The following MAML1 variants were observed in gnomAD, a reference collection of about 807,000 sequenced individuals.
The protein encoded by MAML1 is mastermind-like protein 1.
In MAML1, 14 loss-of-function variants were observed where a neutral mutation model predicts 77.1. That is an observed-to-expected ratio of 0.18 (90% CI 0.12 to 0.28). The LOEUF is 0.28. Ranked by LOEUF, MAML1 falls within the 10% of genes least tolerant of loss-of-function variation. MAML1 has a pLI of 1.00. For missense variants in MAML1, 1,217 were observed against 1,327.8 expected (o/e 0.92, Z 1.30); for synonymous variants, 516 against 551.9 (o/e 0.93, Z 0.91).
intron 1 of MAML1, among the ~76,000 whole-genome samples, chr5:179,749,538 G>A (rs1243829390): frequency 2.0e-5 from 3 of 152,160 alleles, no homozygotes; most frequent in Non-Finnish European, 2.9e-5. Context: ...TGGGATTACA[G>A]GCCTGAGCCA....
rs890186794 is a variant in MAML1 at position 179,754,875 on chromosome 5, C to T, written c.316-10451C>T. ...AGTTATTTTTGAGATGAAGAGGGGA[C>T]GAATTTGAAGGACAGAAAGTCTCAG... On this transcript the variant is annotated intron_variant, in intron 1 of 4. Transcript: ENST00000292599. Among the ~76,000 whole-genome samples, 8 of 151,942 alleles carry T rather than the reference C, an allele frequency of 5.3e-5. No individual in the cohort carries two copies. In the East Asian group the frequency reaches 7.7e-4, roughly 15 times the overall value.
At chr5:179,752,350 A>ATATATATAT (rs57005189) in intron 1 of MAML1, among the ~76,000 whole-genome samples, 5 of 66,716 alleles carry the variant, frequency 7.5e-5, no homozygotes, top group Non-Finnish European at 1.3e-4. Context: ...AAAAAAAAAA[A>ATATATATAT]ATATATATAT....
chr5:179,758,518 A>G (rs1779668273), intron 1 of MAML1, among the ~76,000 whole-genome samples: 1 of 151,278 alleles, frequency 6.6e-6, no homozygotes, highest in South Asian at 2.1e-4. Flanking sequence ...AACCTCCCAA[A>G]TAGCTGGGAC....
At chr5:179,761,525 A>G (rs1270662796) in intron 1 of MAML1, among the ~76,000 whole-genome samples, 1 of 152,136 alleles carries the variant, frequency 6.6e-6, no homozygotes, top group Non-Finnish European at 1.5e-5. Flanking sequence ...GCGAAACCCC[A>G]TCTCTACTAA....
chr5:179,773,846 A>G (rs2113385624), intron 4 of MAML1, 49 bp from the exon 5 acceptor site: 1 of 1,568,716 alleles, frequency 6.4e-7, no homozygotes, highest in Non-Finnish European at 8.7e-7. Context: ...TCTCAGAGGG[A>G]CCCAGTGGTG....
intron 1 of MAML1, among the ~76,000 whole-genome samples, chr5:179,739,349 C>T (rs769226224): frequency 1.2e-3 from 184 of 151,670 alleles, no homozygotes; most frequent in Non-Finnish European, 2.1e-3. Flanking sequence ...AAGACTCCAT[C>T]TCTCAAATAG....
chr5:179,762,131 G>C (rs192648729), intron 1 of MAML1, among the ~76,000 whole-genome samples: 2 of 152,282 alleles, frequency 1.3e-5, no homozygotes, highest in Admixed American at 1.3e-4. Context: ...GAAGCATGTA[G>C]GTATTGTCAT....
chr5:179,733,253 G>C lies in MAML1; in HGVS notation c.141G>C (p.Glu47Asp), dbSNP rs1436149848. 6.1e-6 allele frequency: 9 copies of C among 1,471,812 alleles called. No homozygotes were observed. Among genetic ancestry groups the C allele is most frequent in the Non-Finnish European group, 8.1e-6 (9 of 1,114,242 alleles). The allele number at this position is 1,471,812 out of a possible 1,614,324, so 91.2% of individuals were successfully genotyped here. ...CEARYEAVSPERLELERQHTF... is the reference protein window; with the variant it reads ...CEARYEAVSPDRLELERQHTF... Reference sequence around the variant, plus strand: ...CCCGCTACGAGGCCGTGTCGCCCGAGCGCCTGGAGCTGGAGCGCCAACACA... The same window carrying C: ...CCCGCTACGAGGCCGTGTCGCCCGACCGCCTGGAGCTGGAGCGCCAACACA... The change falls in exon 1 of 5, where the codon GAG becomes GAC. Residue 47 changes from glutamate (E) to aspartate (D), a missense_variant. Physicochemically the swap from Glu to Asp is conservative, Grantham distance 45. Coordinates refer to ENST00000292599, the MANE Select transcript of MAML1 (RefSeq NM_014757.5).
At chr5:179,773,776 C>T in intron 4 of MAML1, 119 bp from the exon 5 acceptor site, 3 of 1,501,498 alleles carry the variant, frequency 2.0e-6, no homozygotes, top group Admixed American at 2.2e-5. Flanking sequence ...TGCCCCATGG[C>T]CCCCGGGGCC....
Position 179,774,984 on chromosome 5 carries a change from G to A in MAML1, c.*107G>A. 2.0e-6 allele frequency: 3 copies of A among 1,493,598 alleles called. No homozygotes were observed. The allele number at this position is 1,493,598 out of a possible 1,614,324, so 92.5% of individuals were successfully genotyped here. ...CCAAAAGCCCATGGCCTGGGGAGCT[G>A]GGCAGGTAGAGCCCAAGCTCCAGGT... On this transcript the variant is annotated 3_prime_UTR_variant, in exon 5 of 5. Coordinates refer to ENST00000292599, the MANE Select transcript of MAML1 (RefSeq NM_014757.5).
chr5:179,756,042 G>A (rs1779608142), intron 1 of MAML1, among the ~76,000 whole-genome samples: 1 of 151,714 alleles, frequency 6.6e-6, no homozygotes, highest in African/African-American at 2.4e-5. Context: ...GGGATTACAG[G>A]TGTGAGCCAC....
chr5:179,767,117 T>TTA (rs1779836335), intron 2 of MAML1, among the ~76,000 whole-genome samples: 1 of 149,674 alleles, frequency 6.7e-6, no homozygotes, highest in South Asian at 2.1e-4. Flanking sequence ...TTTTTTTTTT[T>TTA]TACTACCTTT....
chr5:179,774,136 C>A lies in MAML1; in HGVS notation c.2310C>A (p.Pro770=). 2 of 1,613,664 alleles carry A rather than the reference C, an allele frequency of 1.2e-6. No individual in the cohort carries two copies. Among genetic ancestry groups the A allele is most frequent in the African/African-American group, 1.3e-5 (1 of 75,056 alleles). The change falls in exon 5 of 5, where the codon CCC becomes CCA. Residue 770 remains proline, a synonymous_variant. Coordinates refer to ENST00000292599, the MANE Select transcript of MAML1 (RefSeq NM_014757.5). The part of the protein sequence containing the change: ...ASGITQIVAQ[P]PPQATNGHAH... ...GCATAACCCAGATAGTTGCCCAGCC[C>A]CCGCCACAGGCCACCAATGGACATG...
chr5:179,738,854 C>T (rs1365017182), intron 1 of MAML1, among the ~76,000 whole-genome samples: 2 of 151,696 alleles, frequency 1.3e-5, no homozygotes, highest in Non-Finnish European at 1.5e-5. Flanking sequence ...CATTATGGCT[C>T]ACTACAGCCT....
At position 179,752,007 on chromosome 5, in the gene MAML1, G is replaced by GA. The variant is rs1010390759; in HGVS notation, c.316-13310dup. 4.9e-4 allele frequency among the ~76,000 whole-genome samples: 73 copies of GA among 148,428 alleles called. 1 individual carries two copies. The East Asian group carries it at 8.8e-3, about 18-fold the overall frequency. ...CAATAGAGTGAGACCTTGTCTCAAA[G>GA]AAAAAAAAATACTGATTACATGTTA... On this transcript the variant is annotated intron_variant, in intron 1 of 4. Transcript: ENST00000292599.
chr5:179,746,354 G>C (rs1779383418), intron 1 of MAML1, among the ~76,000 whole-genome samples: 1 of 152,018 alleles, frequency 6.6e-6, no homozygotes, highest in Admixed American at 6.6e-5. Context: ...CAAAAAAAAA[G>C]GGAATAAGTT....
chr5:179,769,586 G>C lies in MAML1; in HGVS notation c.1971+497G>C, dbSNP rs1205837450. On this transcript the variant is annotated intron_variant, in intron 3 of 4. Transcript: ENST00000292599. The surrounding 1 kb of genome is among the most constrained non-coding windows in gnomAD (Gnocchi z 4.2). ...TTTTTTTTTTTGGAGACAGAGTCTT[G>C]CTGTCACCCAGGCTGGACTGCAGTG... 1.3e-5 allele frequency among the ~76,000 whole-genome samples: 2 copies of C among 151,438 alleles called. No individual in the cohort carries two copies. The highest frequency in any genetic ancestry group is 4.9e-5 in the African/African-American group (2 of 41,200).
Position 179,775,335 on chromosome 5 carries a change from A to AT in MAML1, c.*465dup, listed in dbSNP as rs1233075053. The AT allele has an allele frequency of 1.0e-6, 1 of 986,412 alleles. No individual in the cohort carries two copies. The highest frequency in any genetic ancestry group is 1.7e-5 in the African/African-American group (1 of 57,280). 61.1% of individuals were successfully genotyped at this position (986,412 alleles called of 1,614,324 possible). Reference sequence around the variant, plus strand: ...TTTGTAGCATAGAAAAGATTTTTAAATTTTTTTACAAAAGGTTTTTAAACA... The same window carrying AT: ...TTTGTAGCATAGAAAAGATTTTTAAATTTTTTTTACAAAAGGTTTTTAAACA... On this transcript the variant is annotated 3_prime_UTR_variant, in exon 5 of 5. Transcript: ENST00000292599.
chr5:179,752,325 CAAAAAAA>C (rs1177449054), intron 1 of MAML1, among the ~76,000 whole-genome samples: 3 of 53,672 alleles, frequency 5.6e-5, no homozygotes, highest in East Asian at 6.7e-4. Context: ...ACTCTGTCTC[CAAAAAAA>C]AAAAAAAAAA....
Sources: gnomAD v4.1 joint callset for allele counts (sites outside exome capture counted in the v4.1 genomes callset) on GRCh38, gnomAD v4.1.1 for gene constraint, Gnocchi (gnomAD v3.1) non-coding constraint, MANE v1.5 for transcripts, NCBI Gene and HGNC (gene_info 2026-07-23, HGNC 2026-07-21) for gene names.